Variants in USP15 observed in about 807,000 individuals in gnomAD.
USP15 encodes ubiquitin specific peptidase 15.
USP15 carries 18 observed loss-of-function variants against 127.1 expected under a neutral mutation model. That is an observed-to-expected ratio of 0.14 (90% CI 0.10 to 0.21). USP15 has a LOEUF of 0.21. Among genes scored for constraint, USP15 ranks in the 10% least tolerant of loss-of-function variants. USP15 has a pLI of 1.00. For synonymous variants in USP15, 364 were observed against 393.7 expected (o/e 0.92, Z 0.89); for missense variants, 805 against 1,159.9 (o/e 0.69, Z 4.44).
intron 1 of USP15, among the ~76,000 whole-genome samples, chr12:62,282,601 A>G (rs2063686319): frequency 6.6e-6 from 1 of 152,230 alleles, no homozygotes; most frequent in Non-Finnish European, 1.5e-5. Context: ...TTTAAATTAC[A>G]TGTGTGCTGC....
chr12:62,336,659 A>G (rs2065475735), intron 6 of USP15: 1 of 314,676 alleles, frequency 3.2e-6, no homozygotes, highest in East Asian at 1.7e-4. Context: ...GAAAATAACT[A>G]TATTCCAAAA....
intron 3 of USP15, among the ~76,000 whole-genome samples, chr12:62,313,583 T>C (rs140498686): frequency 3.9e-5 from 6 of 151,914 alleles, no homozygotes; most frequent in Non-Finnish European, 7.4e-5. Flanking sequence ...TCTACTTAAA[T>C]ATAACTACAA....
chr12:62,298,138 A>G (rs1208770470), intron 2 of USP15, among the ~76,000 whole-genome samples: 2 of 152,200 alleles, frequency 1.3e-5, no homozygotes, highest in African/African-American at 2.4e-5. Flanking sequence ...AGGAAGTCCA[A>G]GTGACTTCTG....
chr12:62,291,677 C>A (rs2063973661), intron 1 of USP15, among the ~76,000 whole-genome samples: 1 of 152,144 alleles, frequency 6.6e-6, no homozygotes, highest in African/African-American at 2.4e-5. Flanking sequence ...AGACTGTTTT[C>A]CCTTGAGGAT....
intron 6 of USP15, among the ~76,000 whole-genome samples, chr12:62,344,303 A>G (rs547694538): frequency 4.7e-4 from 72 of 152,324 alleles, no homozygotes; most frequent in African/African-American, 1.5e-3. Context: ...CAAAGGGTCT[A>G]TAGGCCCAGT....
At chr12:62,323,062 A>G (rs1376488329) in intron 5 of USP15, among the ~76,000 whole-genome samples, 1 of 152,172 alleles carries the variant, frequency 6.6e-6, no homozygotes, top group Non-Finnish European at 1.5e-5. Context: ...TTCAGGTTCT[A>G]GCTCAACTGT....
chr12:62,345,918 C>G (rs919789891), intron 6 of USP15, among the ~76,000 whole-genome samples: 10 of 152,130 alleles, frequency 6.6e-5, no homozygotes, highest in African/African-American at 2.2e-4. Flanking sequence ...GACCCGCCCC[C>G]GTGATTCAAT....
At chr12:62,283,867 G>C in intron 1 of USP15, among the ~76,000 whole-genome samples, 1 of 152,150 alleles carries the variant, frequency 6.6e-6, no homozygotes, top group Non-Finnish European at 1.5e-5. Flanking sequence ...GCTTGAACCT[G>C]GGAAGTGGAG....
At chr12:62,386,384 T>C (rs969767370) in intron 11 of USP15, among the ~76,000 whole-genome samples, 1 of 152,034 alleles carries the variant, frequency 6.6e-6, no homozygotes, top group African/African-American at 2.4e-5. Flanking sequence ...TAGGCTCTTA[T>C]GCTGTGCAAG....
At chr12:62,317,901 T>G (rs1055498645) in intron 4 of USP15, among the ~76,000 whole-genome samples, 11 of 152,202 alleles carry the variant, frequency 7.2e-5, no homozygotes, top group Non-Finnish European at 1.3e-4. Context: ...AAGTAAGAGA[T>G]AAAATAATAG....
intron 8 of USP15, among the ~76,000 whole-genome samples, chr12:62,355,825 C>CTTTTTTTTT (rs201572809): frequency 1.7e-4 from 21 of 124,378 alleles, no homozygotes; most frequent in African/African-American, 2.1e-4. Context: ...CTTTTTTTTT[C>CTTTTTTTTT]TTTTTTTTTT....
intron 6 of USP15, among the ~76,000 whole-genome samples, chr12:62,339,385 T>G (rs148019078): frequency 3.0e-4 from 46 of 152,264 alleles, no homozygotes; most frequent in Admixed American, 1.3e-3. Context: ...TCTTTATTTC[T>G]TTCTCTTGCC....
chr12:62,318,686 T>C (rs902254911), intron 4 of USP15, among the ~76,000 whole-genome samples: 1 of 152,196 alleles, frequency 6.6e-6, no homozygotes, highest in Non-Finnish European at 1.5e-5. Context: ...AACTATCCCA[T>C]ATCTTCATTT....
At chr12:62,393,664 A>G in intron 19 of USP15, 1 of 152,504 alleles carries the variant, frequency 6.6e-6, no homozygotes, top group South Asian at 2.1e-4. Flanking sequence ...ATCTCGGCTC[A>G]CTGCAACCTC....
Position 62,292,152 on chromosome 12 carries a change from G to T in USP15, c.90-2027G>T, listed in dbSNP as rs200052012. ...CTTGTGGAGAGGGGTGGGATGGGGG[G>T]GTGTGGGCCAGGTGATGAGCTGTCT... On this transcript the variant is annotated intron_variant, in intron 1 of 21. Coordinates refer to ENST00000280377, the MANE Select transcript of USP15 (RefSeq NM_001252078.2). Among the ~76,000 whole-genome samples, 16 of 152,058 alleles carry T rather than the reference G, an allele frequency of 1.1e-4. No homozygotes were observed. The East Asian group carries it at 3.1e-3, about 30-fold the overall frequency.
chr12:62,370,178 G>A (rs572626060), intron 8 of USP15, among the ~76,000 whole-genome samples: 10 of 152,140 alleles, frequency 6.6e-5, no homozygotes, highest in South Asian at 4.2e-4. Flanking sequence ...TGATCTGCCC[G>A]TCTCGGCCTC....
At chr12:62,376,736 T>C (rs1409228907) in intron 8 of USP15, among the ~76,000 whole-genome samples, 1 of 152,204 alleles carries the variant, frequency 6.6e-6, no homozygotes, top group East Asian at 1.9e-4. Flanking sequence ...GAAAGTTTTG[T>C]CCTGTTTAAC....
At chr12:62,394,743 G>A (rs986028999) in intron 19 of USP15, among the ~76,000 whole-genome samples, 9 of 151,946 alleles carry the variant, frequency 5.9e-5, no homozygotes, top group Admixed American at 3.3e-4. Flanking sequence ...CAGCTACTCG[G>A]GAGGCTAAGG....
intron 19 of USP15, 54 bp downstream of exon 19, chr12:62,393,256 T>C (rs1041701672): frequency 6.4e-7 from 1 of 1,570,876 alleles, no homozygotes; most frequent in African/African-American, 1.4e-5. Flanking sequence ...TCAAACTTAT[T>C]TGATGCTTTT....
Sources: allele counts gnomAD v4.1 joint callset (sites outside exome capture counted in the v4.1 genomes callset), GRCh38; gene constraint gnomAD v4.1.1; transcripts MANE v1.5; gene names NCBI Gene and HGNC (gene_info 2026-07-23, HGNC 2026-07-21).